The following LHX8 variants were observed in gnomAD, a reference collection of about 807,000 sequenced individuals.
LHX8 encodes LIM homeobox 8, also known as LIM/homeobox protein Lhx8.
Under a neutral mutation model 40.3 loss-of-function variants are expected in LHX8, and 12 were observed. The ratio of observed to expected loss-of-function variants is 0.30; its 90% confidence interval spans 0.19 to 0.48. The LOEUF is 0.48. Ranked by LOEUF, LHX8 falls within the 20% of genes least tolerant of loss-of-function variation. The pLI, the probability that LHX8 is intolerant of heterozygous loss-of-function variation, is 0.99. For synonymous variants in LHX8, 179 were observed against 162.0 expected (o/e 1.10, Z -0.80); for missense variants, 344 against 433.7 (o/e 0.79, Z 1.84).
At chr1:75,176,333 A>C in the LHX8 span, among the ~76,000 whole-genome samples, 168 of 152,104 alleles carry the variant, frequency 1.1e-3, no homozygotes, top group Middle Eastern at 3.4e-3. Context: ...TCCAGCACCT[A>C]TTGTTTCCTG....
At chr1:75,175,309 C>T in the LHX8 span, among the ~76,000 whole-genome samples, 2 of 152,150 alleles carry the variant, frequency 1.3e-5, no homozygotes, top group Admixed American at 1.3e-4. Context: ...TTCTTTTTCA[C>T]TGGGAAGATG....
At chr1:75,157,188 G>A (rs1648793768) in intron 8 of LHX8, 112 bp downstream of exon 8, 1 of 1,222,342 alleles carries the variant, frequency 8.2e-7, no homozygotes, top group East Asian at 2.4e-5. Context: ...AGTAGTAGCT[G>A]AAAAATATTG....
chr1:75,135,613 C>T (rs1210446586), intron 1 of LHX8, among the ~76,000 whole-genome samples: 1 of 152,144 alleles, frequency 6.6e-6, no homozygotes, highest in Non-Finnish European at 1.5e-5. Context: ...GTTCGGGGTA[C>T]CCACCCGCCC....
intron 3 of LHX8, among the ~76,000 whole-genome samples, chr1:75,137,531 A>T (rs943185071): frequency 1.6e-4 from 24 of 152,174 alleles, no homozygotes; most frequent in African/African-American, 5.6e-4. Context: ...CGCTGGAGTC[A>T]GCCACTGGCT....
intron 2 of LHX8, 151 bp downstream of exon 2, chr1:75,136,840 G>GGGGGGT: frequency 2.2e-6 from 1 of 448,624 alleles, no homozygotes; most frequent in Non-Finnish European, 4.2e-6. Context: ...GGTGGGGTGG[G>GGGGGGT]AAGCTTAGCT....
chr1:75,153,680 A>ACG (rs1648676672), intron 7 of LHX8, among the ~76,000 whole-genome samples: 1 of 152,196 alleles, frequency 6.6e-6, no homozygotes, highest in Non-Finnish European at 1.5e-5. Flanking sequence ...AAGTGCTGGG[A>ACG]CTACAGGTGT....
chr1:75,181,506 G>T, the LHX8 span, among the ~76,000 whole-genome samples: 2 of 152,218 alleles, frequency 1.3e-5, no homozygotes, highest in Admixed American at 6.5e-5. Flanking sequence ...CTCTGAGCCA[G>T]GCACGGGATA....
intron 8 of LHX8, among the ~76,000 whole-genome samples, chr1:75,158,051 TC>T (rs1375369413): frequency 6.6e-6 from 1 of 152,154 alleles, no homozygotes; most frequent in Non-Finnish European, 1.5e-5. Context: ...GTGCTTCACA[TC>T]CTCACCAACA....
At chr1:75,151,203 C>T (rs1386345727) in intron 7 of LHX8, among the ~76,000 whole-genome samples, 1 of 152,142 alleles carries the variant, frequency 6.6e-6, no homozygotes, top group African/African-American at 2.4e-5. Context: ...ATGGAAAAGA[C>T]CTGATGATAC....
intron 3 of LHX8, among the ~76,000 whole-genome samples, chr1:75,137,787 G>A (rs1238577078): frequency 6.6e-6 from 1 of 152,126 alleles, no homozygotes; most frequent in Non-Finnish European, 1.5e-5. Flanking sequence ...GTAGCTTAAA[G>A]GATCTTTTCT....
At chr1:75,164,708 T>C (rs1648995269), downstream of LHX8, among the ~76,000 whole-genome samples, 1 of 152,036 alleles carries the variant, frequency 6.6e-6, no homozygotes, top group Admixed American at 6.6e-5. Flanking sequence ...GTAGTTTGCA[T>C]TTCGGAGAAC....
the LHX8 span, among the ~76,000 whole-genome samples, chr1:75,175,564 A>G: frequency 6.6e-6 from 1 of 152,104 alleles, no homozygotes; most frequent in African/African-American, 2.4e-5. Flanking sequence ...AATTAGTGAT[A>G]TTGAATATTT....
At chr1:75,186,234 A>G in the LHX8 span, among the ~76,000 whole-genome samples, 4 of 152,328 alleles carry the variant, frequency 2.6e-5, no homozygotes, top group African/African-American at 9.6e-5. Context: ...CAAACAACCA[A>G]AGCAATCCTA....
the LHX8 span, among the ~76,000 whole-genome samples, chr1:75,166,686 G>C: frequency 6.6e-6 from 1 of 152,198 alleles, no homozygotes; most frequent in African/African-American, 2.4e-5. Context: ...TCAGAAGACA[G>C]CATGGTGCAT....
chr1:75,197,129 G>T, the LHX8 span, among the ~76,000 whole-genome samples: 2 of 152,120 alleles, frequency 1.3e-5, no homozygotes, highest in African/African-American at 4.8e-5. Context: ...AACAATTTAT[G>T]AAATAATTTA....
Position 75,148,568 on chromosome 1 carries a change from T to A in LHX8, c.685-19T>A. ...TGCTTGTTTTTAGCTATTTACTACA[T>A]ACATGTTTTAAACAACAGGTTATGC... is the stretch of plus-strand genomic sequence containing the variant. On this transcript the variant is annotated intron_variant, in intron 6 of 8. Coordinates refer to ENST00000356261, the MANE Select transcript of LHX8 (RefSeq NM_001256114.2). 6.4e-7 allele frequency: 1 copy of A among 1,573,122 alleles called. No individual in the cohort carries two copies. The highest frequency in any genetic ancestry group is 8.7e-7 in the Non-Finnish European group (1 of 1,142,874).
the LHX8 span, among the ~76,000 whole-genome samples, chr1:75,178,781 A>G: frequency 6.6e-6 from 1 of 152,032 alleles, no homozygotes; most frequent in Non-Finnish European, 1.5e-5. Flanking sequence ...TCAATTTTAG[A>G]TCTTTCTTGC....
chr1:75,156,611 A>T lies in LHX8; in HGVS notation c.781-282A>T, dbSNP rs148511217. Among the ~76,000 whole-genome samples, 811 of 152,278 alleles carry T rather than the reference A, an allele frequency of 5.3e-3. 11 individuals carry two copies. The highest frequency in any genetic ancestry group is 0.018 in the African/African-American group (766 of 41,564). ...CGTTTGACCAACTCAAATTCAACAA[A>T]CCAAAATCCCTTAAGCAATTGGTCC... On this transcript the variant is annotated intron_variant, in intron 7 of 8. Coordinates refer to ENST00000356261, the MANE Select transcript of LHX8 (RefSeq NM_001256114.2).
upstream of LHX8, among the ~76,000 whole-genome samples, chr1:75,134,067 A>T (rs545809507): frequency 1.3e-5 from 2 of 152,156 alleles, no homozygotes; most frequent in African/African-American, 4.8e-5. Flanking sequence ...GCAGAAAGAG[A>T]TGTAACCTGA....
Sources: allele counts gnomAD v4.1 joint callset (sites outside exome capture counted in the v4.1 genomes callset), GRCh38; gene constraint gnomAD v4.1.1; transcripts MANE v1.5; gene names NCBI Gene and HGNC (gene_info 2026-07-23, HGNC 2026-07-21).